IFT122: variants seen among roughly 807,000 people sequenced by gnomAD.
IFT122 encodes intraflagellar transport protein 122 homolog.
IFT122 carries 118 observed loss-of-function variants against 161.6 expected under a neutral mutation model. The observed-to-expected ratio is 0.73, with a 90% CI of 0.63 to 0.85. The LOEUF is 0.85. Ranked by LOEUF, IFT122 falls within the 40% of genes least tolerant of loss-of-function variation. The probability of loss-of-function intolerance (pLI) is 0.00; values close to 1 mark genes in which losing one functional copy is unlikely to be tolerated. For synonymous variants in IFT122, 550 were observed against 602.4 expected, an observed-to-expected ratio of 0.91 and a Z score of 1.27; for missense variants, 1,381 against 1,579.6, an observed-to-expected ratio of 0.87 and a Z score of 2.13.
rs1577475329 is a variant in IFT122, at chr3:129,469,191, G to A, written c.741-151G>A. The A allele has an allele frequency of 2.8e-5, 19 of 685,026 alleles. No homozygotes were observed. In the East Asian group the frequency reaches 4.7e-4, roughly 17 times the overall value. The allele number at this position is 685,026 out of a possible 1,614,324, so 42.4% of individuals were successfully genotyped here. A position where few individuals can be genotyped will look rare whatever the true frequency, so the allele number is the denominator to read the frequency against. On this transcript the variant is annotated intron_variant, in intron 8 of 29. Transcript: ENST00000348417. ...TCCCGTAAGACTGATTGATGGGTTGGGCCAAATTATAACTTTTGGCTTCAG... is the reference window on the plus strand; with the variant it reads ...TCCCGTAAGACTGATTGATGGGTTGAGCCAAATTATAACTTTTGGCTTCAG...
rs372483083 is a variant in IFT122 at position 129,458,678 on chromosome 3, G to C, written c.272+1G>C. 11 of 1,591,114 alleles carry C rather than the reference G, an allele frequency of 6.9e-6. No individual in the cohort carries two copies. Among genetic ancestry groups the C allele is most frequent in the Non-Finnish European group, 8.6e-6 (10 of 1,159,000 alleles). On this transcript the variant is annotated splice_donor_variant, in intron 4 of 29. Transcript: ENST00000348417. LOFTEE classifies it high-confidence loss of function. ...AACTGGAAGGCATTCTGAAGTACAC[G>C]TAAGTAACTTAGGTGTACAGTATTA...
At chr3:129,453,431 G>C (rs1371890732) in intron 3 of IFT122, among the ~76,000 whole-genome samples, 1 of 152,176 alleles carries the variant, frequency 6.6e-6, no homozygotes, top group African/African-American at 2.4e-5. Context: ...AGGAGGTGTA[G>C]TGAGATCCCC....
intron 9 of IFT122, among the ~76,000 whole-genome samples, chr3:129,473,130 A>G (rs1345974763): frequency 6.6e-6 from 1 of 152,164 alleles, no homozygotes; most frequent in African/African-American, 2.4e-5. Flanking sequence ...GAGAGACTCC[A>G]TCCCTAAAAA....
At chr3:129,517,822 TC>T (rs2084177977) in intron 27 of IFT122, among the ~76,000 whole-genome samples, 1 of 152,170 alleles carries the variant, frequency 6.6e-6, no homozygotes, top group South Asian at 2.1e-4. Flanking sequence ...ACCTTGGTCT[TC>T]CCGTGTGGGT....
chr3:129,519,810 T>C, intron 29 of IFT122, 78 bp downstream of exon 29: 1 of 1,562,590 alleles, frequency 6.4e-7, no homozygotes. Flanking sequence ...CTGGGAGGCG[T>C]GGCCCCTGGG....
chr3:129,459,250 T>C, intron 4 of IFT122: 1 of 452,142 alleles, frequency 2.2e-6, no homozygotes, highest in Non-Finnish European at 4.4e-6. Flanking sequence ...CTCATCGGCC[T>C]GTAAGTTCCA....
intron 6 of IFT122, among the ~76,000 whole-genome samples, chr3:129,464,088 C>T (rs1011440230): frequency 2.0e-5 from 3 of 152,162 alleles, no homozygotes; most frequent in Non-Finnish European, 4.4e-5. Flanking sequence ...ACTGACTTGA[C>T]GAGATTGTTG....
rs1221096822 is a variant in IFT122, at chr3:129,478,204, A to G, written c.1336A>G (p.Ile446Val). The change falls in exon 12 of 30, where the codon ATC becomes GTC. Residue 446 changes from isoleucine (I) to valine (V), a missense_variant. Physicochemically the swap from Ile to Val is conservative, Grantham distance 29. Transcript: ENST00000348417. ...CCTCCTGGTGGTGTGTGCCAATCAC[A>G]TCATCCTGTGCCAGGTGGGCAGCAG... ...CNLLVVCANH[I>V]ILCQEKRLQC... 6.2e-7 allele frequency: 1 copy of G among 1,614,166 alleles called. No homozygotes were observed. The highest frequency in any genetic ancestry group is 8.5e-7 in the Non-Finnish European group (1 of 1,180,014).
At chr3:129,482,480 G>T (rs1454468288) in intron 14 of IFT122, among the ~76,000 whole-genome samples, 2 of 152,180 alleles carry the variant, frequency 1.3e-5, no homozygotes, top group Non-Finnish European at 2.9e-5. Flanking sequence ...GATGTTATGG[G>T]CAGATTCAGT....
chr3:129,455,113 A>G (rs1204546967), intron 3 of IFT122, among the ~76,000 whole-genome samples: 3 of 151,868 alleles, frequency 2.0e-5, no homozygotes, highest in Admixed American at 2.0e-4. Flanking sequence ...GATACACTGA[A>G]TTCCAGCTTT....
At chr3:129,508,567 A>G (rs1305456955) in intron 23 of IFT122, among the ~76,000 whole-genome samples, 1 of 152,268 alleles carries the variant, frequency 6.6e-6, no homozygotes, top group Non-Finnish European at 1.5e-5. Context: ...TTAAATCATT[A>G]TAACTAGGCT....
intron 17 of IFT122, among the ~76,000 whole-genome samples, chr3:129,494,216 G>GTT (rs1442076539): frequency 3.5e-4 from 52 of 147,850 alleles, no homozygotes; most frequent in Admixed American, 2.5e-3. Flanking sequence ...TTGTTTGTTT[G>GTT]TTTTTTTTTT....
intron 2 of IFT122, 99 bp from the exon 3 acceptor site, chr3:129,451,815 A>G: frequency 3.1e-6 from 3 of 958,090 alleles, no homozygotes; most frequent in South Asian, 1.3e-5. Context: ...TAGAATATTG[A>G]CACGTATTGT....
intron 14 of IFT122, 63 bp downstream of exon 14, chr3:129,481,757 C>T (rs1169309608): frequency 5.8e-6 from 9 of 1,559,338 alleles, no homozygotes; most frequent in Non-Finnish European, 7.9e-6. Flanking sequence ...TCTAGCTTCC[C>T]AGTCCCTGCA....
intron 13 of IFT122, among the ~76,000 whole-genome samples, chr3:129,480,922 G>A (rs141875475): frequency 6.6e-6 from 1 of 152,230 alleles, no homozygotes; most frequent in Non-Finnish European, 1.5e-5. Context: ...GCATGGTGGA[G>A]GGTACCTGTT....
In IFT122 at chr3:129,469,332, T is replaced by C. The variant is rs767609724; in HGVS notation, c.741-10T>C. On this transcript the variant is annotated splice_polypyrimidine_tract_variant and intron_variant, in intron 8 of 29. Coordinates refer to ENST00000348417, the MANE Select transcript of IFT122 (RefSeq NM_052989.3). ...GCCCTTCATAACCTCTTTTATCTTCTGTTGATTAGAGAGGAACGTAATGAC... is the reference window on the plus strand; with the variant it reads ...GCCCTTCATAACCTCTTTTATCTTCCGTTGATTAGAGAGGAACGTAATGAC... 9.9e-6 allele frequency: 16 copies of C among 1,611,666 alleles called. No homozygotes were observed. The highest frequency in any genetic ancestry group is 1.7e-5 in the Admixed American group (1 of 59,996).
chr3:129,467,704 G>T (rs1452451760), intron 8 of IFT122, among the ~76,000 whole-genome samples: 1 of 152,170 alleles, frequency 6.6e-6, no homozygotes, highest in Non-Finnish European at 1.5e-5. Flanking sequence ...GAAAACATGG[G>T]CAGGCCAGAG....
At chr3:129,505,263 T>G (rs3774780) in intron 21 of IFT122, among the ~76,000 whole-genome samples, 14,168 of 152,216 alleles carry the variant, frequency 0.093, 743 homozygotes, top group South Asian at 0.13. Flanking sequence ...ATTTTTCTGT[T>G]TTGCTGCCTA....
At chr3:129,494,950 C>T (rs888229401) in intron 17 of IFT122, among the ~76,000 whole-genome samples, 7 of 152,186 alleles carry the variant, frequency 4.6e-5, no homozygotes, top group African/African-American at 1.7e-4. Context: ...GTTCAGCATG[C>T]GGGATTTCTT....
Sources: allele counts gnomAD v4.1 joint callset (sites outside exome capture counted in the v4.1 genomes callset), GRCh38; gene constraint gnomAD v4.1.1; transcripts MANE v1.5; gene names NCBI Gene and HGNC (gene_info 2026-07-23, HGNC 2026-07-21).